Variants in SUMF1 observed in about 807,000 individuals in gnomAD.
SUMF1 encodes the protein formylglycine-generating enzyme.
A neutral mutation model predicts 47.6 loss-of-function variants in SUMF1; 48 were observed. The observed-to-expected ratio is 1.01, with a 90% CI of 0.80 to 1.28. SUMF1 has a LOEUF of 1.28. SUMF1 is among the 50% of genes most tolerant of loss of function. The pLI, the probability that SUMF1 is intolerant of heterozygous loss-of-function variation, is 0.00. For synonymous variants in SUMF1, 230 were observed against 192.1 expected, an observed-to-expected ratio of 1.20 and a Z score of -1.63; for missense variants, 571 against 485.4, an observed-to-expected ratio of 1.18 and a Z score of -1.66.
At chr3:4,152,421 A>G (rs1694356305) in intron 8 of SUMF1, among the ~76,000 whole-genome samples, 1 of 151,078 alleles carries the variant, frequency 6.6e-6, no homozygotes, top group Non-Finnish European at 1.5e-5. Context: ...CCGAGTAGCT[A>G]GAACTACAGG....
intron 7 of SUMF1, among the ~76,000 whole-genome samples, chr3:4,410,488 T>C (rs1701504553): frequency 6.6e-6 from 1 of 152,174 alleles, no homozygotes; most frequent in African/African-American, 2.4e-5. Context: ...CTCAGGCAAC[T>C]AGAGGCATGA....
chr3:4,302,875 A>G (rs372993295), intron 8 of SUMF1, among the ~76,000 whole-genome samples: 1 of 152,198 alleles, frequency 6.6e-6, no homozygotes, highest in East Asian at 1.9e-4. Flanking sequence ...GGATACCTCC[A>G]TCAGGGAGTG....
At chr3:4,201,469 A>G (rs1051455724) in intron 8 of SUMF1, among the ~76,000 whole-genome samples, 2 of 152,136 alleles carry the variant, frequency 1.3e-5, no homozygotes, top group African/African-American at 2.4e-5. Flanking sequence ...TGTAAATGAC[A>G]GGATTTCATT....
chr3:4,135,768 T>C (rs992264778), intron 8 of SUMF1, among the ~76,000 whole-genome samples: 3 of 152,130 alleles, frequency 2.0e-5, no homozygotes, highest in African/African-American at 7.2e-5. Flanking sequence ...ATAAGCAACT[T>C]CAGCAACATC....
At chr3:4,333,852 G>C (rs1195335257) in intron 8 of SUMF1, among the ~76,000 whole-genome samples, 3 of 151,836 alleles carry the variant, frequency 2.0e-5, no homozygotes, top group Admixed American at 6.6e-5. Flanking sequence ...AGCCAGCCAG[G>C]CATAGTGGCT....
At chr3:4,438,650 T>C (rs1321225735) in intron 3 of SUMF1, among the ~76,000 whole-genome samples, 6 of 152,112 alleles carry the variant, frequency 3.9e-5, no homozygotes, top group Admixed American at 3.9e-4. Flanking sequence ...CTTTAATATA[T>C]ATAAAGCAAA....
chr3:4,233,568 C>T (rs1447961689), intron 8 of SUMF1, among the ~76,000 whole-genome samples: 1 of 152,032 alleles, frequency 6.6e-6, no homozygotes, highest in Non-Finnish European at 1.5e-5. Context: ...CCCTGTTATA[C>T]TGACAGAACA....
At chr3:4,159,032 G>GTTT (rs1004705072) in intron 8 of SUMF1, among the ~76,000 whole-genome samples, 2 of 151,288 alleles carry the variant, frequency 1.3e-5, no homozygotes, top group African/African-American at 4.9e-5. Context: ...AGTTGTTGCA[G>GTTT]TTTTTTTATC....
At position 4,295,309 on chromosome 3, in the gene SUMF1, G is replaced by C. The variant is rs549619079; in HGVS notation, c.1014+81021C>G. On this transcript the variant is annotated intron_variant and NMD_transcript_variant, in intron 8 of 12. Coordinates refer to the SUMF1 transcript ENST00000448413. ...AGGATTCCAGTCTCAGATGATATTT[G>C]GTGGTATCCAGCGAAATTATCCTGT... 5.3e-5 allele frequency among the ~76,000 whole-genome samples: 8 copies of C among 152,098 alleles called. No homozygotes were observed. In the South Asian group the frequency reaches 1.7e-3, roughly 32 times the overall value.
chr3:4,065,192 G>A (rs17039761), intron 9 of SUMF1, among the ~76,000 whole-genome samples: 1,804 of 152,106 alleles, frequency 0.012, 42 homozygotes, highest in African/African-American at 0.04. Context: ...AGTTTCTTCC[G>A]CATTTCAAGA....
At chr3:4,336,830 A>G in intron 8 of SUMF1, among the ~76,000 whole-genome samples, 1 of 152,250 alleles carries the variant, frequency 6.6e-6, no homozygotes, top group South Asian at 2.1e-4. Flanking sequence ...TGTGGTTATG[A>G]AGACACTTTC....
At chr3:4,352,731 T>TAAAA (rs34628235) in intron 8 of SUMF1, among the ~76,000 whole-genome samples, 4 of 108,248 alleles carry the variant, frequency 3.7e-5, no homozygotes, top group African/African-American at 1.3e-4. Context: ...TTGCTGCGTG[T>TAAAA]AAAAAAAAAA....
intron 8 of SUMF1, among the ~76,000 whole-genome samples, chr3:4,305,400 G>C (rs1005980003): frequency 2.6e-5 from 4 of 152,156 alleles, no homozygotes; most frequent in African/African-American, 9.7e-5. Flanking sequence ...AGAGACCCAA[G>C]TTTTAATTGT....
intron 1 of SUMF1, among the ~76,000 whole-genome samples, chr3:4,464,430 G>C (rs75839301): frequency 0.012 from 1,829 of 152,064 alleles, 17 homozygotes; most frequent in Non-Finnish European, 0.017. Flanking sequence ...GTGTGTGTGT[G>C]TGAGAGAGAG....
intron 6 of SUMF1, among the ~76,000 whole-genome samples, chr3:4,412,094 A>G (rs542278931): frequency 3.1e-4 from 47 of 152,352 alleles, no homozygotes; most frequent in Admixed American, 2.9e-3. Context: ...GAAAGCTGAA[A>G]ATTCTCACCA....
intron 8 of SUMF1, among the ~76,000 whole-genome samples, chr3:4,255,193 G>A (rs1157671257): frequency 7.1e-6 from 1 of 140,540 alleles, no homozygotes; most frequent in Non-Finnish European, 1.6e-5. Context: ...AGACTAGGAA[G>A]AAACTGCATC....
At chr3:4,098,471 C>T (rs1402679853) in intron 8 of SUMF1, among the ~76,000 whole-genome samples, 1 of 152,082 alleles carries the variant, frequency 6.6e-6, no homozygotes, top group Non-Finnish European at 1.5e-5. Flanking sequence ...AAAGAGGATT[C>T]TTAAGTGTAT....
chr3:4,298,790 A>G (rs1697909017), intron 8 of SUMF1, among the ~76,000 whole-genome samples: 1 of 152,258 alleles, frequency 6.6e-6, no homozygotes, highest in African/African-American at 2.4e-5. Flanking sequence ...TTTTCTTAAA[A>G]TGAATGAACA....
chr3:4,141,418 C>G (rs1396306781), intron 8 of SUMF1, among the ~76,000 whole-genome samples: 1 of 152,092 alleles, frequency 6.6e-6, no homozygotes. Context: ...TGTGCCAGTG[C>G]CCAGAGGATA....
Sources: allele counts gnomAD v4.1 joint callset (sites outside exome capture counted in the v4.1 genomes callset), GRCh38; gene constraint gnomAD v4.1.1; transcripts MANE v1.5; gene names NCBI Gene and HGNC (gene_info 2026-07-23, HGNC 2026-07-21).